Variants in PHF21A observed in about 807,000 individuals in gnomAD.
The protein encoded by PHF21A is PHD finger protein 21A, also known as BHC80a.
Under a neutral mutation model 82.5 loss-of-function variants are expected in PHF21A, and 11 were observed. The observed-to-expected ratio is 0.13, with a 90% CI of 0.08 to 0.22. The LOEUF is 0.22. PHF21A is among the 10% of genes least tolerant of loss of function. PHF21A has a pLI of 1.00. For missense variants in PHF21A, 579 were observed against 837.8 expected (o/e 0.69, Z 3.81); for synonymous variants, 297 against 302.8 (o/e 0.98, Z 0.20).
chr11:46,101,891 G>C (rs1194867895), intron 1 of PHF21A, among the ~76,000 whole-genome samples: 2 of 145,674 alleles, frequency 1.4e-5, no homozygotes, highest in African/African-American at 5.1e-5. Context: ...ACGGAGTCTC[G>C]CTCTGTCGCC....
chr11:46,032,624 T>A (rs1455454273), intron 6 of PHF21A, among the ~76,000 whole-genome samples: 2 of 152,200 alleles, frequency 1.3e-5, no homozygotes, highest in Non-Finnish European at 2.9e-5. Context: ...ATTTAAAATG[T>A]AGATTCCTAT....
At chr11:46,034,886 T>A (rs2095959706) in intron 6 of PHF21A, among the ~76,000 whole-genome samples, 1 of 152,228 alleles carries the variant, frequency 6.6e-6, no homozygotes, top group African/African-American at 2.4e-5. Flanking sequence ...CTCAAGTATT[T>A]TCAACATGCC....
At chr11:46,092,870 AC>A (rs2096942593) in intron 1 of PHF21A, among the ~76,000 whole-genome samples, 1 of 146,090 alleles carries the variant, frequency 6.8e-6, no homozygotes, top group Non-Finnish European at 1.5e-5. Flanking sequence ...CAATCCTCCC[AC>A]CTCAGCCTCC....
At chr11:45,955,736 G>C (rs1303294525) in intron 10 of PHF21A, among the ~76,000 whole-genome samples, 2 of 152,198 alleles carry the variant, frequency 1.3e-5, no homozygotes, top group Non-Finnish European at 2.9e-5. Flanking sequence ...GGTGGTGGTG[G>C]AGGGTGTCTT....
chr11:45,965,602 G>T lies in PHF21A; in HGVS notation c.709C>A (p.Pro237Thr). 6.5e-7 allele frequency: 1 copy of T among 1,543,002 alleles called. No individual in the cohort carries two copies. The highest frequency in any genetic ancestry group is 8.7e-7 in the Non-Finnish European group (1 of 1,144,256). ...ATGTTATTCTGGGCCACAGGCTTGG[G>T]TCGAACCTATAGGGGAAAGAGAGAA... is the stretch of plus-strand genomic sequence containing the variant. The part of the protein sequence containing the change: ...PRPNFLPQVR[P>T]KPVAQNNIPI... Residue 237 changes from proline (P) to threonine (T), a missense_variant, in exon 10 of 19, where the codon CCC becomes ACC. By Grantham distance (38) the Pro-to-Thr change is conservative. Transcript: ENST00000676320.
intron 1 of PHF21A, among the ~76,000 whole-genome samples, chr11:46,113,408 G>C (rs988387433): frequency 6.6e-6 from 1 of 151,930 alleles, no homozygotes; most frequent in Non-Finnish European, 1.5e-5. Context: ...ATCTTACGTA[G>C]GAGAAGCACA....
intron 18 of PHF21A, chr11:45,935,428 C>CT (rs2088680123): frequency 2.9e-6 from 2 of 686,146 alleles, no homozygotes; most frequent in Non-Finnish European, 4.9e-6. Context: ...TGTTACAGAG[C>CT]TTGGGTAAGG....
At chr11:45,971,990 G>A (rs1235098391) in intron 7 of PHF21A, among the ~76,000 whole-genome samples, 1 of 149,890 alleles carries the variant, frequency 6.7e-6, no homozygotes, top group Non-Finnish European at 1.5e-5. Flanking sequence ...GAGGCAATGA[G>A]TCCCAAAGCT....
intron 10 of PHF21A, among the ~76,000 whole-genome samples, chr11:45,955,752 C>A (rs371610672): frequency 6.6e-6 from 1 of 152,148 alleles, no homozygotes; most frequent in East Asian, 1.9e-4. Flanking sequence ...GTCTTTCCTT[C>A]GTGGATCTCT....
chr11:46,086,619 T>G (rs1379753796), intron 3 of PHF21A, among the ~76,000 whole-genome samples: 1 of 152,132 alleles, frequency 6.6e-6, no homozygotes, highest in African/African-American at 2.4e-5. Flanking sequence ...ATTACAGTTC[T>G]TCTTGAAAAC....
chr11:46,096,349 C>T (rs1212897794), intron 1 of PHF21A, among the ~76,000 whole-genome samples: 2 of 151,728 alleles, frequency 1.3e-5, no homozygotes, highest in South Asian at 2.1e-4. Context: ...TCTAGGCTCA[C>T]GTTTATAGCA....
rs76999280 is a variant in PHF21A at position 45,959,290 on chromosome 11, A to G, written c.997-5665T>C. Reference sequence around the variant, plus strand: ...GATTATAGTAATCATTTCACTATGTATATGTATATCAAACCATCATGTTGT... The same window carrying G: ...GATTATAGTAATCATTTCACTATGTGTATGTATATCAAACCATCATGTTGT... On this transcript the variant is annotated intron_variant, in intron 10 of 18. Coordinates refer to ENST00000676320, the MANE Select transcript of PHF21A (RefSeq NM_001352027.3). Among the ~76,000 whole-genome samples, 1,467 of 152,366 alleles carry G rather than the reference A, an allele frequency of 9.6e-3. 5 individuals carry two copies. The highest frequency in any genetic ancestry group is 0.015 in the Non-Finnish European group (1,041 of 68,038).
chr11:45,947,552 C>A (rs745465926), intron 14 of PHF21A, among the ~76,000 whole-genome samples: 3 of 152,118 alleles, frequency 2.0e-5, no homozygotes, highest in Non-Finnish European at 2.9e-5. Context: ...AGGGGAAGAA[C>A]AAGATGAATG....
intron 6 of PHF21A, among the ~76,000 whole-genome samples, chr11:46,043,529 C>T (rs913778866): frequency 1.3e-5 from 2 of 152,068 alleles, no homozygotes; most frequent in Admixed American, 6.6e-5. Flanking sequence ...CTTCCACTGG[C>T]CTAGTGAAGC....
intron 7 of PHF21A, among the ~76,000 whole-genome samples, chr11:45,974,418 AATTATT>A (rs59807950): frequency 0.71 from 104,340 of 147,140 alleles, 37,324 homozygotes; most frequent in East Asian, 0.98. Flanking sequence ...TCAAACGACA[AATTATT>A]ATTATTATTA....
At chr11:45,948,073 T>G (rs1591080226) in intron 14 of PHF21A, among the ~76,000 whole-genome samples, 1 of 152,342 alleles carries the variant, frequency 6.6e-6, no homozygotes, top group East Asian at 1.9e-4. Flanking sequence ...CTCCGCTCAC[T>G]CTGCAACCTT....
intron 6 of PHF21A, among the ~76,000 whole-genome samples, chr11:46,060,401 G>C (rs2096520082): frequency 6.6e-6 from 1 of 151,430 alleles, no homozygotes; most frequent in African/African-American, 2.4e-5. Flanking sequence ...CTCTAAGAAA[G>C]AAAAAAAGGC....
chr11:46,034,619 G>A (rs900211445), intron 6 of PHF21A, among the ~76,000 whole-genome samples: 5 of 152,012 alleles, frequency 3.3e-5, no homozygotes, highest in African/African-American at 9.7e-5. Context: ...CAAAAATTAC[G>A]GTGACTATCC....
At chr11:45,974,943 C>G (rs1158231084) in intron 7 of PHF21A, among the ~76,000 whole-genome samples, 5 of 152,072 alleles carry the variant, frequency 3.3e-5, no homozygotes, top group Non-Finnish European at 7.4e-5. Context: ...CTGCCAATAG[C>G]AAAATCCTTT....
Sources: allele counts gnomAD v4.1 joint callset (sites outside exome capture counted in the v4.1 genomes callset), GRCh38; gene constraint gnomAD v4.1.1; transcripts MANE v1.5; gene names NCBI Gene and HGNC (gene_info 2026-07-23, HGNC 2026-07-21).